Variants in NFIB observed in about 807,000 individuals in gnomAD.
NFIB encodes nuclear factor I B, also known as nuclear factor 1 B-type.
NFIB carries 11 observed loss-of-function variants against 61.5 expected under a neutral mutation model. The observed-to-expected ratio is 0.18, with a 90% CI of 0.11 to 0.30. NFIB has a LOEUF of 0.30. Ranked by LOEUF, NFIB falls within the 10% of genes least tolerant of loss-of-function variation. The pLI is 1.00. For missense variants in NFIB, 471 were observed against 608.9 expected (o/e 0.77, Z 2.38); for synonymous variants, 260 against 216.5 (o/e 1.20, Z -1.76).
At chr9:14,297,726 T>C (rs1446916749) in intron 2 of NFIB, among the ~76,000 whole-genome samples, 1 of 152,222 alleles carries the variant, frequency 6.6e-6, no homozygotes, top group Non-Finnish European at 1.5e-5. Flanking sequence ...TAAACTTCCT[T>C]TTTTCCTCTA....
the NFIB span, among the ~76,000 whole-genome samples, chr9:14,431,664 A>G: frequency 6.7e-6 from 1 of 149,610 alleles, no homozygotes; most frequent in African/African-American, 2.5e-5. Context: ...GAGAGCTTAG[A>G]TAACTTGCCC....
At chr9:14,182,708 C>CTCTCTCTCTCTCTCTGTGTGTGTGTG (rs778914837) in intron 2 of NFIB, among the ~76,000 whole-genome samples, 1 of 96,994 alleles carries the variant, frequency 1.0e-5, no homozygotes, top group African/African-American at 4.4e-5. Context: ...CTCTCTCTCT[C>CTCTCTCTCTCTCTCTGTGTGTGTGTG]TGTGTGTGTG....
Position 14,087,666 on chromosome 9 carries a change from T to C in NFIB, c.*643A>G, listed in dbSNP as rs2033072819. 2 of 216,740 alleles carry C rather than the reference T, an allele frequency of 9.2e-6. No homozygotes were observed. Among genetic ancestry groups the C allele is most frequent in the Non-Finnish European group, 1.9e-5 (2 of 107,408 alleles). The allele number at this position is 216,740 out of a possible 1,614,324, so 13.4% of individuals were successfully genotyped here. A position where few individuals can be genotyped will look rare whatever the true frequency, so the allele number is the denominator to read the frequency against. On this transcript the variant is annotated 3_prime_UTR_variant, in exon 11 of 11. Transcript: ENST00000380953. ...GGGTTAAGGGCCGAAATTTAATAAA[T>C]CTGTACTGATAACTAAAGGCTACAG...
intron 2 of NFIB, among the ~76,000 whole-genome samples, chr9:14,220,017 A>G (rs769369268): frequency 6.6e-6 from 1 of 152,186 alleles, no homozygotes; most frequent in Non-Finnish European, 1.5e-5. Flanking sequence ...CATCAAAGCA[A>G]CAGGCCCTCG....
At chr9:14,359,047 T>C (rs1274233034) in intron 1 of NFIB, among the ~76,000 whole-genome samples, 3 of 152,226 alleles carry the variant, frequency 2.0e-5, no homozygotes, top group Non-Finnish European at 4.4e-5. Flanking sequence ...TCCATGTTCA[T>C]TGACTTCCCT....
chr9:14,359,081 G>T (rs1484311204), intron 1 of NFIB, among the ~76,000 whole-genome samples: 1 of 152,136 alleles, frequency 6.6e-6, no homozygotes, highest in Admixed American at 6.5e-5. Flanking sequence ...GTTGGCCATG[G>T]TAGCAGCGTT....
At chr9:14,294,744 C>T (rs1229586695) in intron 2 of NFIB, among the ~76,000 whole-genome samples, 1 of 152,158 alleles carries the variant, frequency 6.6e-6, no homozygotes, top group East Asian at 1.9e-4. Context: ...TGGCTAGAAC[C>T]CCTAGGTACG....
chr9:14,363,227 C>A (rs2061260709), intron 1 of NFIB, among the ~76,000 whole-genome samples: 1 of 152,170 alleles, frequency 6.6e-6, no homozygotes, highest in Non-Finnish European at 1.5e-5. Flanking sequence ...CCACTCCTGG[C>A]AAGTCACCAC....
chr9:14,222,939 T>C (rs551145890), intron 2 of NFIB, among the ~76,000 whole-genome samples: 112 of 152,292 alleles, frequency 7.4e-4, no homozygotes, highest in African/African-American at 2.3e-3. Context: ...TTACCTGGAA[T>C]TCTATCTAGT....
chr9:14,383,635 G>T (rs1056358439), intron 1 of NFIB, among the ~76,000 whole-genome samples: 1 of 152,208 alleles, frequency 6.6e-6, no homozygotes, highest in Admixed American at 6.5e-5. Context: ...GTTGATAACA[G>T]ATCTCTTTTA....
chr9:14,354,123 T>C (rs2061148419), intron 1 of NFIB, among the ~76,000 whole-genome samples: 1 of 152,190 alleles, frequency 6.6e-6, no homozygotes, highest in Admixed American at 6.5e-5. Flanking sequence ...CACCCTATTT[T>C]CTCAGAGCCT....
intron 2 of NFIB, among the ~76,000 whole-genome samples, chr9:14,191,225 G>A (rs546916736): frequency 6.6e-6 from 1 of 152,192 alleles, no homozygotes; most frequent in East Asian, 1.9e-4. Flanking sequence ...CTACTCGAGA[G>A]GCTAAGGTGG....
the NFIB span, among the ~76,000 whole-genome samples, chr9:14,512,181 T>C: frequency 1.3e-5 from 2 of 152,298 alleles, no homozygotes; most frequent in Admixed American, 6.5e-5. Context: ...TCCCAAGATA[T>C]GATTTGGGCA....
At chr9:14,448,769 C>T in the NFIB span, among the ~76,000 whole-genome samples, 3 of 152,170 alleles carry the variant, frequency 2.0e-5, no homozygotes, top group African/African-American at 7.2e-5. Context: ...GGGTAAAGAA[C>T]TTGTCATCCC....
At chr9:14,518,769 G>A in the NFIB span, among the ~76,000 whole-genome samples, 2 of 152,134 alleles carry the variant, frequency 1.3e-5, no homozygotes, top group East Asian at 1.9e-4. Context: ...AAATGGGGTA[G>A]AGAGCATGAG....
chr9:14,322,423 C>G, intron 1 of NFIB: 1 of 233,472 alleles, frequency 4.3e-6, no homozygotes, highest in Non-Finnish European at 8.5e-6. Flanking sequence ...GGCACGGCCC[C>G]GGGGTCGCGC....
At chr9:14,165,598 A>C (rs2044697844) in intron 3 of NFIB, among the ~76,000 whole-genome samples, 1 of 152,182 alleles carries the variant, frequency 6.6e-6, no homozygotes, top group African/African-American at 2.4e-5. Context: ...TCTAAGCACA[A>C]ATAGAGACAA....
intron 1 of NFIB, among the ~76,000 whole-genome samples, chr9:14,364,158 C>G (rs1230834308): frequency 6.6e-6 from 1 of 152,148 alleles, no homozygotes; most frequent in African/African-American, 2.4e-5. Flanking sequence ...ATTTTATACC[C>G]ATTTACACTC....
At chr9:14,441,165 C>CAA in the NFIB span, among the ~76,000 whole-genome samples, 1,259 of 124,024 alleles carry the variant, frequency 0.01, 24 homozygotes, top group African/African-American at 0.036. Flanking sequence ...AGAGAGAAAA[C>CAA]AAAAAAAAAA....
Sources: gnomAD v4.1 joint callset for allele counts (sites outside exome capture counted in the v4.1 genomes callset) on GRCh38, gnomAD v4.1.1 for gene constraint, MANE v1.5 for transcripts, NCBI Gene and HGNC (gene_info 2026-07-23, HGNC 2026-07-21) for gene names.